Variants in SEMA3D observed in about 807,000 individuals in gnomAD.
SEMA3D encodes semaphorin 3D.
SEMA3D carries 84 observed loss-of-function variants against 100.1 expected under a neutral mutation model. The observed-to-expected ratio is 0.84, with a 90% CI of 0.70 to 1.01. The LOEUF (loss-of-function observed/expected upper bound fraction) is 1.01. Among genes scored for constraint, SEMA3D ranks in the 50% least tolerant of loss-of-function variants. The pLI is 0.00. For missense variants in SEMA3D, 875 were observed against 934.1 expected (o/e 0.94, Z 0.82); for synonymous variants, 312 against 320.7 (o/e 0.97, Z 0.29).
chr7:85,024,674 A>G (rs1790344336), intron 12 of SEMA3D, among the ~76,000 whole-genome samples: 2 of 152,140 alleles, frequency 1.3e-5, no homozygotes, highest in South Asian at 4.1e-4. Flanking sequence ...GCATGTTGCC[A>G]GTGTTTGGAC....
chr7:85,066,723 A>G (rs1791631371), intron 7 of SEMA3D, among the ~76,000 whole-genome samples: 1 of 152,202 alleles, frequency 6.6e-6, no homozygotes, highest in East Asian at 1.9e-4. Flanking sequence ...TATCACTGAA[A>G]TTTATTTTTG....
the SEMA3D span, among the ~76,000 whole-genome samples, chr7:85,197,096 C>A: frequency 6.6e-6 from 1 of 152,008 alleles, no homozygotes; most frequent in African/African-American, 2.4e-5. Context: ...AAAAAATGAA[C>A]ATGTTTTATC....
chr7:85,084,863 T>G (rs997516959), intron 4 of SEMA3D, among the ~76,000 whole-genome samples: 3 of 152,216 alleles, frequency 2.0e-5, no homozygotes, highest in Non-Finnish European at 4.4e-5. Flanking sequence ...TGAGAACACA[T>G]GGACACATAG....
intron 7 of SEMA3D, among the ~76,000 whole-genome samples, chr7:85,065,991 C>T (rs1032812703): frequency 6.6e-6 from 1 of 152,052 alleles, no homozygotes; most frequent in South Asian, 2.1e-4. Context: ...CCTCAATGAC[C>T]ACAAATTTTC....
At position 85,050,927 on chromosome 7, in the gene SEMA3D, T is replaced by A. The variant is rs187390494; in HGVS notation, c.861+4790A>T. Among the ~76,000 whole-genome samples the A allele has an allele frequency of 6.6e-5, 10 of 152,004 alleles. No homozygotes were observed. In the East Asian group the frequency reaches 1.9e-3, roughly 29 times the overall value. On this transcript the variant is annotated intron_variant, in intron 9 of 18. Coordinates refer to ENST00000284136, the MANE Select transcript of SEMA3D (RefSeq NM_001384900.1). Reference sequence around the variant, plus strand: ...ACAGGTACGCTGATCTGGCTCCAAATGTATGTGTGATGTGTGTGTATGTGT... The same window carrying A: ...ACAGGTACGCTGATCTGGCTCCAAAAGTATGTGTGATGTGTGTGTATGTGT...
chr7:85,182,190 C>T (rs999454372), intron 1 of SEMA3D, among the ~76,000 whole-genome samples: 1 of 151,876 alleles, frequency 6.6e-6, no homozygotes, highest in East Asian at 1.9e-4. Context: ...CCAAAAATTA[C>T]AAACAATTTT....
chr7:85,024,892 A>G (rs1790351025), intron 12 of SEMA3D, among the ~76,000 whole-genome samples: 1 of 152,030 alleles, frequency 6.6e-6, no homozygotes, highest in Non-Finnish European at 1.5e-5. Context: ...TCTAAAAATA[A>G]TGAGATGCCA....
At chr7:85,230,197 G>C in the SEMA3D span, among the ~76,000 whole-genome samples, 2 of 152,018 alleles carry the variant, frequency 1.3e-5, no homozygotes, top group Non-Finnish European at 2.9e-5. Flanking sequence ...ACATTTCTCT[G>C]TGTCTCATTC....
intron 15 of SEMA3D, among the ~76,000 whole-genome samples, chr7:85,016,463 G>C (rs2115815467): frequency 6.6e-6 from 1 of 151,668 alleles, no homozygotes; most frequent in African/African-American, 2.4e-5. Context: ...AGTTGTCTTT[G>C]AATCTTCTTT....
At chr7:85,001,527 T>TATA (rs1206355139) in intron 18 of SEMA3D, among the ~76,000 whole-genome samples, 1 of 152,118 alleles carries the variant, frequency 6.6e-6, no homozygotes, top group African/African-American at 2.4e-5. Context: ...ATACACTACG[T>TATA]ATAATTGTTT....
intron 2 of SEMA3D, chr7:85,144,669 G>T: frequency 2.0e-6 from 2 of 985,166 alleles, no homozygotes; most frequent in Non-Finnish European, 2.4e-6. Flanking sequence ...ATTTAAGTCA[G>T]CCTGGAGCCC....
intron 1 of SEMA3D, among the ~76,000 whole-genome samples, chr7:85,154,579 A>G (rs1348658864): frequency 6.6e-6 from 1 of 152,122 alleles, no homozygotes; most frequent in Non-Finnish European, 1.5e-5. Context: ...ATGCACTTGC[A>G]CAGTTTGTGA....
chr7:85,249,959 G>A, the SEMA3D span, among the ~76,000 whole-genome samples: 5 of 152,164 alleles, frequency 3.3e-5, no homozygotes, highest in Admixed American at 6.5e-5. Flanking sequence ...TGAGGTACCG[G>A]GTTCATCTCA....
chr7:85,066,913 C>CATACACACAGAGAGAGAGAGAGAGAGAG, intron 7 of SEMA3D, among the ~76,000 whole-genome samples: 4 of 127,760 alleles, frequency 3.1e-5, no homozygotes, highest in African/African-American at 9.5e-5. Flanking sequence ...CACACACACA[C>CATACACACAGAGAGAGAGAGAGAGAGAG]AGAGAGAGAG....
At chr7:85,185,084 G>A (rs577996917) in intron 1 of SEMA3D, among the ~76,000 whole-genome samples, 1 of 152,232 alleles carries the variant, frequency 6.6e-6, no homozygotes, top group East Asian at 1.9e-4. Flanking sequence ...AGAAGGAAAA[G>A]GAGAAGGAAA....
chr7:85,167,255 G>A (rs1790932375), intron 1 of SEMA3D: 3 of 984,474 alleles, frequency 3.0e-6, no homozygotes, highest in Non-Finnish European at 2.4e-6. Flanking sequence ...GCCTCATCTG[G>A]AGGTCTTGGC....
At chr7:85,005,163 C>T (rs1043926468) in intron 18 of SEMA3D, among the ~76,000 whole-genome samples, 17 of 151,830 alleles carry the variant, frequency 1.1e-4, no homozygotes, top group African/African-American at 3.4e-4. Flanking sequence ...CAACTTTATT[C>T]GCTATGAAAT....
intron 1 of SEMA3D, among the ~76,000 whole-genome samples, chr7:85,186,267 C>T (rs768758799): frequency 7.2e-5 from 11 of 152,178 alleles, no homozygotes; most frequent in Non-Finnish European, 1.2e-4. Context: ...CCTGCGGAAG[C>T]CGGGGACACA....
intron 7 of SEMA3D, among the ~76,000 whole-genome samples, chr7:85,066,490 TG>T (rs2099419113): frequency 6.6e-6 from 1 of 151,124 alleles, no homozygotes; most frequent in African/African-American, 2.4e-5. Context: ...TGTTCCCTAA[TG>T]TTAGTCAGGG....
Sources: gnomAD v4.1 joint callset for allele counts (sites outside exome capture counted in the v4.1 genomes callset) on GRCh38, gnomAD v4.1.1 for gene constraint, MANE v1.5 for transcripts, NCBI Gene and HGNC (gene_info 2026-07-23, HGNC 2026-07-21) for gene names.